Variants in PSD3 observed in about 807,000 individuals in gnomAD.
The protein encoded by PSD3 is pleckstrin and Sec7 domain containing 3.
A neutral mutation model predicts 105.5 loss-of-function variants in PSD3; 49 were observed. That is an observed-to-expected ratio of 0.46 (90% CI 0.37 to 0.59). PSD3 has a LOEUF of 0.59. Among genes scored for constraint, PSD3 ranks in the 20% least tolerant of loss-of-function variants. The pLI, the probability that PSD3 is intolerant of heterozygous loss-of-function variation, is 0.00. For synonymous variants in PSD3, 557 were observed against 457.8 expected, an observed-to-expected ratio of 1.22 and a Z score of -2.77; for missense variants, 1,561 against 1,263.8, an observed-to-expected ratio of 1.24 and a Z score of -3.57.
At chr8:18,717,422 T>C (rs1243768440) in intron 9 of PSD3, among the ~76,000 whole-genome samples, 1 of 152,146 alleles carries the variant, frequency 6.6e-6, no homozygotes, top group Non-Finnish European at 1.5e-5. Flanking sequence ...TTTATTACTG[T>C]TATGAGGTCA....
chr8:19,022,808 A>G (rs1827405704), intron 1 of PSD3, among the ~76,000 whole-genome samples: 1 of 150,384 alleles, frequency 6.6e-6, no homozygotes, highest in African/African-American at 2.4e-5. Context: ...ACTTATTTTT[A>G]TAGTTTTGAT....
chr8:18,683,883 G>A (rs760177016), intron 9 of PSD3: 1 of 765,292 alleles, frequency 1.3e-6, no homozygotes, highest in South Asian at 1.3e-5. Flanking sequence ...GGAACCTGAG[G>A]TCCTCACCCG....
intron 12 of PSD3, among the ~76,000 whole-genome samples, chr8:18,578,306 A>G (rs12675535): frequency 0.55 from 83,194 of 151,810 alleles, 22,902 homozygotes; most frequent in South Asian, 0.62. Context: ...ATTGCTGACA[A>G]AACTAATAAA....
In PSD3 at chr8:18,948,585, C is replaced by T. The variant is rs369996089; in HGVS notation, c.22-12443G>A. On this transcript the variant is annotated intron_variant, in intron 1 of 15. Transcript: ENST00000327040. Reference sequence around the variant, plus strand: ...AGACTACAGGCTCACACGAAGTGTTCAATAAATATTTTTCCTGAATCCTTA... The same window carrying T: ...AGACTACAGGCTCACACGAAGTGTTTAATAAATATTTTTCCTGAATCCTTA... Among the ~76,000 whole-genome samples the T allele has an allele frequency of 1.3e-3, 199 of 152,100 alleles. 3 individuals carry two copies. The highest frequency in any genetic ancestry group is 6.6e-4 in the Admixed American group (10 of 15,264).
chr8:18,997,650 C>T (rs754145877), intron 1 of PSD3, among the ~76,000 whole-genome samples: 8 of 152,058 alleles, frequency 5.3e-5, no homozygotes, highest in Non-Finnish European at 8.8e-5. Context: ...GACCTGGCGA[C>T]GGTGTCCGGT....
At chr8:18,945,282 G>A (rs1433141987) in intron 1 of PSD3, among the ~76,000 whole-genome samples, 1 of 144,202 alleles carries the variant, frequency 6.9e-6, no homozygotes, top group Admixed American at 7.0e-5. Context: ...GACATCACAT[G>A]TATCCTTATA....
chr8:19,038,920 CATAG>C (rs1210652275), intron 1 of PSD3, among the ~76,000 whole-genome samples: 8 of 152,156 alleles, frequency 5.3e-5, no homozygotes, highest in Non-Finnish European at 1.0e-4. Context: ...GGCAATAAAG[CATAG>C]ATAGATTTAA....
chr8:18,868,105 A>T, intron 3 of PSD3, 36 bp from the exon 4 acceptor site: 1 of 1,542,940 alleles, frequency 6.5e-7, no homozygotes, highest in Non-Finnish European at 8.7e-7. Context: ...TTCCAATATT[A>T]GGTTAATGTC....
chr8:18,821,717 A>ACACACCCCCC (rs1554513425), intron 4 of PSD3, among the ~76,000 whole-genome samples: 7 of 141,118 alleles, frequency 5.0e-5, no homozygotes, highest in African/African-American at 1.3e-4. Flanking sequence ...ACACACACAC[A>ACACACCCCCC]CCCCAATAAC....
At chr8:18,996,381 T>C (rs2129473920) in intron 1 of PSD3, among the ~76,000 whole-genome samples, 1 of 151,992 alleles carries the variant, frequency 6.6e-6, no homozygotes, top group South Asian at 2.1e-4. Flanking sequence ...CTCCCTGAGG[T>C]TGAACAAGAT....
At chr8:18,611,246 T>A (rs1805239108) in intron 11 of PSD3, among the ~76,000 whole-genome samples, 1 of 123,422 alleles carries the variant, frequency 8.1e-6, no homozygotes, top group Non-Finnish European at 1.7e-5. Context: ...TAATGTAGGA[T>A]TTTGGAAAAA....
At chr8:18,764,487 G>A (rs1228241264) in intron 9 of PSD3, among the ~76,000 whole-genome samples, 1 of 151,968 alleles carries the variant, frequency 6.6e-6, no homozygotes, top group Non-Finnish European at 1.5e-5. Context: ...TGCAAATAAA[G>A]TTAGTAAGAC....
intron 9 of PSD3, among the ~76,000 whole-genome samples, chr8:18,740,520 CAG>C (rs1195822953): frequency 1.3e-5 from 2 of 152,146 alleles, no homozygotes; most frequent in African/African-American, 4.8e-5. Flanking sequence ...TTATTATTGG[CAG>C]AGAGAGTCTG....
At chr8:19,036,955 T>C (rs1023883210) in intron 1 of PSD3, among the ~76,000 whole-genome samples, 2 of 152,220 alleles carry the variant, frequency 1.3e-5, no homozygotes, top group African/African-American at 4.8e-5. Flanking sequence ...CTCCCCAGGA[T>C]TGACCCTTTC....
intron 11 of PSD3, among the ~76,000 whole-genome samples, chr8:18,622,256 G>GATA (rs1162175011): frequency 6.6e-6 from 1 of 152,176 alleles, no homozygotes; most frequent in East Asian, 1.9e-4. Context: ...TTATTAAAGT[G>GATA]ATATGTCCAC....
chr8:18,896,179 T>C, intron 2 of PSD3, among the ~76,000 whole-genome samples: 1 of 152,258 alleles, frequency 6.6e-6, no homozygotes, highest in East Asian at 1.9e-4. Context: ...GAGTATTCTA[T>C]TGTGTGTATA....
intron 2 of PSD3, among the ~76,000 whole-genome samples, chr8:18,904,326 C>T (rs1199516879): frequency 1.3e-5 from 2 of 152,214 alleles, no homozygotes; most frequent in African/African-American, 4.8e-5. Context: ...CAGCCACTGC[C>T]AGTGTGCACT....
chr8:18,639,112 T>A (rs1162470418), intron 10 of PSD3, among the ~76,000 whole-genome samples: 5 of 152,202 alleles, frequency 3.3e-5, no homozygotes, highest in African/African-American at 1.2e-4. Flanking sequence ...GCCAGAATAT[T>A]GTTATCAAGT....
intron 11 of PSD3, among the ~76,000 whole-genome samples, chr8:18,629,763 T>C (rs1449172006): frequency 6.6e-6 from 1 of 152,000 alleles, no homozygotes; most frequent in African/African-American, 2.4e-5. Flanking sequence ...GTAATGGAAA[T>C]GTTATTTATT....
Sources: gnomAD v4.1 joint callset for allele counts (sites outside exome capture counted in the v4.1 genomes callset) on GRCh38, gnomAD v4.1.1 for gene constraint, MANE v1.5 for transcripts, NCBI Gene and HGNC (gene_info 2026-07-23, HGNC 2026-07-21) for gene names.